PGAP1: variants seen among roughly 807,000 people sequenced by gnomAD.
PGAP1 encodes the protein post-GPI attachment to proteins inositol deacylase 1.
Under a neutral mutation model 127.0 loss-of-function variants are expected in PGAP1, and 76 were observed. The ratio of observed to expected loss-of-function variants is 0.60; its 90% confidence interval spans 0.50 to 0.72. PGAP1 has a LOEUF of 0.72. PGAP1 is among the 30% of genes least tolerant of loss of function. PGAP1 has a pLI of 0.00. For synonymous variants in PGAP1, 362 were observed against 366.5 expected, an observed-to-expected ratio of 0.99 and a Z score of 0.14; for missense variants, 982 against 1,071.3, an observed-to-expected ratio of 0.92 and a Z score of 1.16.
chr2:196,854,804 G>A (rs985699710), intron 20 of PGAP1, among the ~76,000 whole-genome samples: 7 of 151,914 alleles, frequency 4.6e-5, no homozygotes, highest in African/African-American at 1.7e-4. Context: ...TGAAGACAGG[G>A]TCTCACTCTG....
At chr2:196,902,127 C>G (rs1702514801) in intron 5 of PGAP1, among the ~76,000 whole-genome samples, 1 of 152,178 alleles carries the variant, frequency 6.6e-6, no homozygotes, top group Non-Finnish European at 1.5e-5. Context: ...TCAAGTGATT[C>G]TCTTGCCTCA....
At position 196,897,222 on chromosome 2, in the gene PGAP1, AAT is replaced by A. The variant is rs769011986; in HGVS notation, c.861-27_861-26del. ...CCTAAGGAATAAAGTAAGTGTTACA[AAT>A]AAAACTTTCTTAAAACATATACTTT... On this transcript the variant is annotated intron_variant, in intron 6 of 26. Transcript: ENST00000354764. 18 of 1,423,760 alleles carry A rather than the reference AAT, an allele frequency of 1.3e-5. No individual in the cohort carries two copies. In the Admixed American group the frequency reaches 3.6e-4, roughly 29 times the overall value. 88.2% of individuals were successfully genotyped at this position (1,423,760 alleles called of 1,614,324 possible).
rs76707440 is a variant in PGAP1, at chr2:196,898,716, A to G, written c.808-347T>C. Among the ~76,000 whole-genome samples the G allele has an allele frequency of 3.4e-3, 523 of 152,346 alleles. 2 individuals carry two copies. The highest frequency in any genetic ancestry group is 0.012 in the African/African-American group (486 of 41,580). ...AGTTTAAGATTCTTTAATAAATCAC[A>G]GTTAATGTATAAGTTACAAAAGACA... On this transcript the variant is annotated intron_variant, in intron 5 of 26. Coordinates refer to ENST00000354764, the MANE Select transcript of PGAP1 (RefSeq NM_024989.4).
intron 1 of PGAP1, among the ~76,000 whole-genome samples, chr2:196,923,789 T>A (rs760821019): frequency 7.2e-5 from 11 of 152,162 alleles, no homozygotes; most frequent in Non-Finnish European, 1.5e-4. Flanking sequence ...GCCTCCTGAG[T>A]ACCTGCGACT....
intron 20 of PGAP1, among the ~76,000 whole-genome samples, chr2:196,851,889 C>T (rs1700731487): frequency 6.6e-6 from 1 of 152,052 alleles, no homozygotes; most frequent in Non-Finnish European, 1.5e-5. Context: ...TTTGAGGACC[C>T]GAGTTTCTAC....
At chr2:196,898,926 G>GA (rs200619626) in intron 5 of PGAP1, among the ~76,000 whole-genome samples, 17,896 of 136,988 alleles carry the variant, frequency 0.13, 1,070 homozygotes, top group Non-Finnish European at 0.15. Context: ...TATATATTTT[G>GA]AAAAAAAAAA....
intron 3 of PGAP1, among the ~76,000 whole-genome samples, chr2:196,913,873 AAAC>A (rs1702916393): frequency 6.6e-6 from 1 of 152,232 alleles, no homozygotes; most frequent in Admixed American, 6.5e-5. Flanking sequence ...CTGTTTGTGC[AAAC>A]AACATGTTTT....
chr2:196,878,193 A>C (rs1004763236), intron 13 of PGAP1, among the ~76,000 whole-genome samples: 3 of 152,150 alleles, frequency 2.0e-5, no homozygotes, highest in African/African-American at 7.2e-5. Flanking sequence ...ATGGAACTAG[A>C]AGTGTTTGAT....
At chr2:196,925,824 A>G (rs1411858141) in intron 1 of PGAP1, among the ~76,000 whole-genome samples, 1 of 152,158 alleles carries the variant, frequency 6.6e-6, no homozygotes, top group Non-Finnish European at 1.5e-5. Context: ...CTTAACCTGC[A>G]AAATAAGAGG....
chr2:196,843,151 C>T (rs1700461757), intron 25 of PGAP1, among the ~76,000 whole-genome samples: 1 of 152,030 alleles, frequency 6.6e-6, no homozygotes, highest in Non-Finnish European at 1.5e-5. Context: ...ATGAGTACTA[C>T]TCTATAACAA....
At chr2:196,874,187 T>TA (rs1016488403) in intron 14 of PGAP1, among the ~76,000 whole-genome samples, 2 of 151,756 alleles carry the variant, frequency 1.3e-5, no homozygotes, top group South Asian at 2.1e-4. Context: ...AAATAAAATG[T>TA]AAAAAAAATA....
intron 17 of PGAP1, 142 bp from the exon 18 acceptor site, chr2:196,872,691 CA>C: frequency 1.6e-6 from 1 of 631,914 alleles, no homozygotes; most frequent in Non-Finnish European, 2.8e-6. Context: ...GGCACTTTTT[CA>C]ATGATATCAC....
chr2:196,863,831 G>A (rs937499560), intron 20 of PGAP1, among the ~76,000 whole-genome samples: 2 of 151,868 alleles, frequency 1.3e-5, no homozygotes, highest in Non-Finnish European at 2.9e-5. Flanking sequence ...CGCCCGCCTC[G>A]GCCTCCCAAA....
chr2:196,868,227 G>A (rs1366833986), intron 19 of PGAP1, among the ~76,000 whole-genome samples: 3 of 152,120 alleles, frequency 2.0e-5, no homozygotes, highest in Non-Finnish European at 4.4e-5. Flanking sequence ...ATAGTAACTG[G>A]TACATGGTAA....
chr2:196,871,672 G>A (rs949746995), intron 18 of PGAP1, among the ~76,000 whole-genome samples: 11 of 152,094 alleles, frequency 7.2e-5, no homozygotes, highest in Non-Finnish European at 1.2e-4. Context: ...CATAATATAA[G>A]TTCAACTGAA....
chr2:196,879,552 C>T (rs927539859), intron 13 of PGAP1, among the ~76,000 whole-genome samples: 1 of 152,090 alleles, frequency 6.6e-6, no homozygotes, highest in African/African-American at 2.4e-5. Flanking sequence ...ACAATTAGCT[C>T]GGTGTGGTAG....
chr2:196,864,736 T>A lies in PGAP1; in HGVS notation c.1861+251A>T, dbSNP rs190767501. Among the ~76,000 whole-genome samples, 41 of 152,280 alleles carry A rather than the reference T, an allele frequency of 2.7e-4. No individual in the cohort carries two copies. In the East Asian group the frequency reaches 6.2e-3, roughly 23 times the overall value. On this transcript the variant is annotated intron_variant, in intron 20 of 26. Coordinates refer to ENST00000354764, the MANE Select transcript of PGAP1 (RefSeq NM_024989.4). ...TTGGTGGTTGATAGTGGAAACGTAATAAAGATGCAGAGAAGGCTCATCATA... is the reference window on the plus strand; with the variant it reads ...TTGGTGGTTGATAGTGGAAACGTAAAAAAGATGCAGAGAAGGCTCATCATA...
At chr2:196,876,120 G>C (rs1701562441) in intron 13 of PGAP1, among the ~76,000 whole-genome samples, 1 of 152,012 alleles carries the variant, frequency 6.6e-6, no homozygotes, top group Non-Finnish European at 1.5e-5. Context: ...TGCATAAGAA[G>C]GACAGTAAAG....
intron 1 of PGAP1, chr2:196,922,407 G>A (rs1703225355): frequency 4.1e-6 from 4 of 983,516 alleles, no homozygotes; most frequent in African/African-American, 3.5e-5. Context: ...CTCACAAAGA[G>A]GTCTCAGTAA....
Sources: gnomAD v4.1 joint callset for allele counts (sites outside exome capture counted in the v4.1 genomes callset) on GRCh38, gnomAD v4.1.1 for gene constraint, MANE v1.5 for transcripts, NCBI Gene and HGNC (gene_info 2026-07-23, HGNC 2026-07-21) for gene names.